FAM181A: variants seen among roughly 807,000 people sequenced by gnomAD.
FAM181A encodes the protein protein FAM181A.
FAM181A carries 7 observed loss-of-function variants against 16.3 expected under a neutral mutation model. The observed-to-expected ratio is 0.43, with a 90% CI of 0.24 to 0.81. The LOEUF (loss-of-function observed/expected upper bound fraction) is 0.81, where lower values mean the gene tolerates loss of function less well. Among genes scored for constraint, FAM181A ranks in the 30% least tolerant of loss-of-function variants. The pLI is 0.24. For missense variants in FAM181A, 349 were observed against 377.5 expected, an observed-to-expected ratio of 0.92 and a Z score of 0.63; for synonymous variants, 183 against 164.9, an observed-to-expected ratio of 1.11 and a Z score of -0.84.
upstream of FAM181A, chr14:93,925,226 T>A (rs748668631): frequency 1.3e-6 from 2 of 1,585,322 alleles, no homozygotes; most frequent in Non-Finnish European, 1.7e-6. Context: ...TGCCGTGGGA[T>A]CTCAAGGAAG....
In FAM181A at chr14:93,928,868, G is replaced by C. The variant is rs766014903; in HGVS notation, c.583G>C (p.Glu195Gln). ...SMSPRALAEK[E>Q]PLKMPGVSLV... is the part of the protein sequence containing the mutation. ...GTCTCCAAGGGCCCTGGCTGAAAAGGAGCCGCTCAAGATGCCTGGGGTCTC... is the reference window on the plus strand; with the variant it reads ...GTCTCCAAGGGCCCTGGCTGAAAAGCAGCCGCTCAAGATGCCTGGGGTCTC... Residue 195 changes from glutamate to glutamine, a missense_variant, in exon 2 of 2, where the codon GAG becomes CAG. Transcript: ENST00000556222. 179 of 1,614,008 alleles carry C rather than the reference G, an allele frequency of 1.1e-4. No individual in the cohort carries two copies. The highest frequency in any genetic ancestry group is 8.2e-4 in the Middle Eastern group (5 of 6,084).
chr14:93,927,383 G>T lies in FAM181A; in HGVS notation c.-159G>T. On this transcript the variant is annotated 5_prime_UTR_variant, in exon 1 of 2. Coordinates refer to ENST00000556222, the MANE Select transcript of FAM181A (RefSeq NM_001207073.2). The stretch of plus-strand genomic sequence containing the variant: ...AGCCGGACGGAGCTCGGCCGGCTGC[G>T]CCGGGGCCTGTCCCAGGTCTGCAGT... 2.6e-6 allele frequency: 3 copies of T among 1,142,152 alleles called. No homozygotes were observed. The highest frequency in any genetic ancestry group is 3.3e-6 in the Non-Finnish European group (3 of 917,114). 70.8% of individuals were successfully genotyped at this position (1,142,152 alleles called of 1,614,324 possible).
upstream of FAM181A, among the ~76,000 whole-genome samples, chr14:93,926,710 G>C (rs77242811): frequency 1.3e-5 from 2 of 152,046 alleles, no homozygotes; most frequent in Admixed American, 6.5e-5. This position sits in a 1 kb window ranked among gnomAD's most constrained non-coding sequence, Gnocchi z 5.2. Flanking sequence ...GTCCTTCCTC[G>C]GCCACCTTTT....
chr14:93,928,220 G>T lies in FAM181A; in HGVS notation c.-66G>T. The T allele has an allele frequency of 6.2e-7, 1 of 1,613,390 alleles. No individual in the cohort carries two copies. The highest frequency in any genetic ancestry group is 8.5e-7 in the Non-Finnish European group (1 of 1,179,854). ...CCAGGTCAGCTCGGTGCCCTTCCTT[G>T]GAGCTGCCGGCCACCAGCAGAGCCT... On this transcript the variant is annotated 5_prime_UTR_variant, in exon 2 of 2. Coordinates refer to ENST00000556222, the MANE Select transcript of FAM181A (RefSeq NM_001207073.2).
Position 93,928,285 on chromosome 14 carries a change from G to A in FAM181A, c.-1G>A, listed in dbSNP as rs562890450. ...AAGCCTCGTGCAGTGGCCCCCTGGTGATGGCATCCGACAGTGATGTGAAGA... is the reference window on the plus strand; with the variant it reads ...AAGCCTCGTGCAGTGGCCCCCTGGTAATGGCATCCGACAGTGATGTGAAGA... On this transcript the variant is annotated 5_prime_UTR_variant, in exon 2 of 2. Transcript: ENST00000556222. 3.7e-5 allele frequency: 59 copies of A among 1,613,852 alleles called. 1 individual carries two copies. The South Asian group carries it at 6.3e-4, about 17-fold the overall frequency.
At chr14:93,924,758 C>A (rs1024336440), upstream of FAM181A, among the ~76,000 whole-genome samples, 1 of 152,238 alleles carries the variant, frequency 6.6e-6, no homozygotes, top group Non-Finnish European at 1.5e-5. Context: ...TGTGGCCAGG[C>A]AGATCCAACT....
intron 1 of FAM181A, chr14:93,927,699 C>T: frequency 9.6e-7 from 1 of 1,037,138 alleles, no homozygotes; most frequent in South Asian, 2.3e-5. Flanking sequence ...AGCGTGGGGA[C>T]TGAGGAGGGG....
upstream of FAM181A, chr14:93,925,413 T>C (rs757929761): frequency 1.3e-6 from 2 of 1,579,206 alleles, no homozygotes; most frequent in Admixed American, 1.7e-5. Flanking sequence ...AGGTTCAAAC[T>C]GTTGGCTGTG....
At chr14:93,927,998 C>T (rs1007751738) in intron 1 of FAM181A, among the ~76,000 whole-genome samples, 4 of 152,056 alleles carry the variant, frequency 2.6e-5, no homozygotes, top group South Asian at 2.1e-4. Flanking sequence ...GCAGGCTGGG[C>T]GAGGCTCTGC....
upstream of FAM181A, chr14:93,925,268 C>T: frequency 1.9e-6 from 3 of 1,613,218 alleles, no homozygotes; most frequent in Non-Finnish European, 2.5e-6. Flanking sequence ...TCTAAAATGT[C>T]TTGATGCCCT....
chr14:93,926,248 A>C (rs1887902758), upstream of FAM181A: 1 of 152,230 alleles, frequency 6.6e-6, no homozygotes, highest in Admixed American at 6.5e-5. This position sits in a 1 kb window ranked among gnomAD's most constrained non-coding sequence, Gnocchi z 5.2. Flanking sequence ...AGCATTTCCC[A>C]GGCGGCCGCC....
rs747713777 is a variant in FAM181A at position 93,929,093 on chromosome 14, G to A, written c.808G>A (p.Val270Met). The A allele has an allele frequency of 1.0e-5, 16 of 1,546,356 alleles. No individual in the cohort carries two copies. In the South Asian group the frequency reaches 1.2e-4, roughly 12 times the overall value. ...CCTGGGGCAGAAGGTGTGCAGGCCC[G>A]TGGTGCTGAAACCCATCCCCACCAA... is the stretch of plus-strand genomic sequence containing the variant. Reference protein sequence around the residue: ...DGLGQKVCRPVVLKPIPTKPA... With the variant: ...DGLGQKVCRPMVLKPIPTKPA... The change falls in exon 2 of 2, where the codon GTG (valine) becomes ATG (methionine). Residue 270 changes from valine to methionine, a missense_variant. Transcript: ENST00000556222.
At chr14:93,920,677 G>C (rs1887692109) in intron 1 of FAM181A, among the ~76,000 whole-genome samples, 1 of 152,146 alleles carries the variant, frequency 6.6e-6, no homozygotes, top group African/African-American at 2.4e-5. Context: ...ATAGAAGAAA[G>C]TATCCTCAAC....
At chr14:93,925,182 C>T (rs1355271739), upstream of FAM181A, 33 of 1,158,754 alleles carry the variant, frequency 2.8e-5, no homozygotes, top group Admixed American at 1.0e-4. Context: ...GCTTCATGAG[C>T]GGGCAGTGCA....
In FAM181A at chr14:93,928,816, G is replaced by A; in HGVS notation, c.531G>A (p.Leu177=). 2.5e-6 allele frequency: 4 copies of A among 1,614,014 alleles called. No individual in the cohort carries two copies. Among genetic ancestry groups the A allele is most frequent in the Non-Finnish European group, 3.4e-6 (4 of 1,179,930 alleles). The change falls in exon 2 of 2, where the codon CTG becomes CTA. Residue 177 remains leucine, a synonymous_variant. Transcript: ENST00000556222. ...GKKNCKGLEP[L]GPETTLVSMS... ...AAAATTGCAAGGGCTTGGAGCCCCT[G>A]GGACCTGAGACTACCCTGGTGTCCA...
At chr14:93,927,250 T>G (rs1002592009), upstream of FAM181A, 29 of 997,584 alleles carry the variant, frequency 2.9e-5, no homozygotes, top group Non-Finnish European at 3.3e-5. Flanking sequence ...CGCCGCCTGA[T>G]TGGGATGCTT....
At chr14:93,920,274 G>T (rs1023805309) in intron 1 of FAM181A, among the ~76,000 whole-genome samples, 12 of 152,154 alleles carry the variant, frequency 7.9e-5, no homozygotes, top group Admixed American at 2.6e-4. Context: ...AAATTAGCTG[G>T]ATGTGTTGGC....
chr14:93,922,826 A>G (rs188516982), upstream of FAM181A, among the ~76,000 whole-genome samples: 1 of 152,356 alleles, frequency 6.6e-6, no homozygotes, highest in Non-Finnish European at 1.5e-5. Flanking sequence ...ACCATAATCC[A>G]TATCTCCTGA....
At chr14:93,924,892 G>A (rs1002751315), upstream of FAM181A, among the ~76,000 whole-genome samples, 2 of 152,218 alleles carry the variant, frequency 1.3e-5, no homozygotes, top group African/African-American at 4.8e-5. Context: ...CTACCCTCAC[G>A]GAGCTGCCCC....
Sources: gnomAD v4.1 joint callset for allele counts (sites outside exome capture counted in the v4.1 genomes callset) on GRCh38, gnomAD v4.1.1 for gene constraint, Gnocchi (gnomAD v3.1) non-coding constraint, MANE v1.5 for transcripts, NCBI Gene and HGNC (gene_info 2026-07-23, HGNC 2026-07-21) for gene names.